Variants in PRKAR1B observed in about 807,000 individuals in gnomAD.
The protein encoded by PRKAR1B is cAMP-dependent protein kinase type I-beta regulatory subunit.
In PRKAR1B, 22 loss-of-function variants were observed where a neutral mutation model predicts 46.5. The observed-to-expected ratio is 0.47, with a 90% confidence interval of 0.34 to 0.68. The LOEUF is 0.68. Among genes scored for constraint, PRKAR1B ranks in the 30% least tolerant of loss-of-function variants. The pLI, the probability that PRKAR1B is intolerant of heterozygous loss-of-function variation, is 0.01. For synonymous variants in PRKAR1B, 259 were observed against 217.7 expected, an observed-to-expected ratio of 1.19 and a Z score of -1.67; for missense variants, 445 against 535.6, an observed-to-expected ratio of 0.83 and a Z score of 1.67.
intron 4 of PRKAR1B, among the ~76,000 whole-genome samples, chr7:631,787 T>A (rs10233134): frequency 0.066 from 9,456 of 143,580 alleles, 323 homozygotes; most frequent in Middle Eastern, 0.11. Flanking sequence ...CCCCCATCTC[T>A]AAAAAAAAAA....
Position 593,308 on chromosome 7 carries a change from C to T in PRKAR1B, c.708+2838G>A, listed in dbSNP as rs930182890. On this transcript the variant is annotated intron_variant, in intron 7 of 10. Transcript: ENST00000537384. This position sits in a 1 kb window ranked among gnomAD's most constrained non-coding sequence, Gnocchi z 6.1. ...CTCCCGCGTCCCCCAGGTCCCAGCACGTCCCAGCTCGGGACTAAGGCAGAA... is the reference window on the plus strand; with the variant it reads ...CTCCCGCGTCCCCCAGGTCCCAGCATGTCCCAGCTCGGGACTAAGGCAGAA... Among the ~76,000 whole-genome samples, 5 of 152,162 alleles carry T rather than the reference C, an allele frequency of 3.3e-5. No individual in the cohort carries two copies. The highest frequency in any genetic ancestry group is 7.2e-5 in the African/African-American group (3 of 41,442).
chr7:624,269 C>G (rs1783262142), intron 4 of PRKAR1B, among the ~76,000 whole-genome samples: 1 of 152,182 alleles, frequency 6.6e-6, no homozygotes, highest in Non-Finnish European at 1.5e-5. Flanking sequence ...CCCATCTCTA[C>G]TAAAAATACA....
In PRKAR1B at chr7:695,786, C is replaced by T. The variant is rs931283833; in HGVS notation, c.178-15060G>A. ...TCATGCCATTCTCCTGCCTCAGCTT[C>T]CCGAGTAGCTGGGACTACAGGTGCC... On this transcript the variant is annotated intron_variant, in intron 2 of 10. Transcript: ENST00000537384. Among the ~76,000 whole-genome samples the T allele has an allele frequency of 1.8e-4, 28 of 151,878 alleles. 1 individual carries two copies. The highest frequency in any genetic ancestry group is 6.3e-4 in the African/African-American group (26 of 41,412).
intron 1 of PRKAR1B, chr7:726,836 A>T: frequency 7.5e-7 from 1 of 1,327,962 alleles, no homozygotes; most frequent in Non-Finnish European, 9.6e-7. Flanking sequence ...CCGGGGCTGG[A>T]GGCCGACAGC....
chr7:651,350 G>A (rs954040059), intron 4 of PRKAR1B, among the ~76,000 whole-genome samples: 3 of 152,194 alleles, frequency 2.0e-5, no homozygotes, highest in African/African-American at 4.8e-5. Context: ...AAATTCATAC[G>A]AGTTCCATGT....
In PRKAR1B at chr7:724,307, G is replaced by A. The variant is rs147344900; in HGVS notation, c.-23+2903C>T. Reference sequence around the variant, plus strand: ...AGCTCCCACAATTCCCACGTGTTGTGGGAAGGACCCAGTGGGAGGTAACTG... The same window carrying A: ...AGCTCCCACAATTCCCACGTGTTGTAGGAAGGACCCAGTGGGAGGTAACTG... On this transcript the variant is annotated intron_variant, in intron 1 of 10. Transcript: ENST00000537384. Among the ~76,000 whole-genome samples, 17 of 152,258 alleles carry A rather than the reference G, an allele frequency of 1.1e-4. No homozygotes were observed. The East Asian group carries it at 3.3e-3, about 29-fold the overall frequency.
intron 2 of PRKAR1B, among the ~76,000 whole-genome samples, chr7:687,399 C>A (rs1399230054): frequency 2.6e-5 from 4 of 151,924 alleles, no homozygotes; most frequent in South Asian, 2.1e-4. Flanking sequence ...CGTGGAAATG[C>A]TAGAATCAAA....
chr7:681,560 G>A (rs1778686989), intron 2 of PRKAR1B, among the ~76,000 whole-genome samples: 1 of 152,146 alleles, frequency 6.6e-6, no homozygotes, highest in Non-Finnish European at 1.5e-5. Context: ...GTTTATGGAG[G>A]CTGAGATGAC....
Position 558,860 on chromosome 7 carries a change from C to T in PRKAR1B, c.892-7390G>A, listed in dbSNP as rs543548022. On this transcript the variant is annotated intron_variant, in intron 9 of 10. Coordinates refer to ENST00000537384, the MANE Select transcript of PRKAR1B (RefSeq NM_001164760.2). ...CTTGTCACAGCCTCCCTTGCCCGGCCGTGAGCCTCCAACGCTTCGGCTCAG... is the reference window on the plus strand; with the variant it reads ...CTTGTCACAGCCTCCCTTGCCCGGCTGTGAGCCTCCAACGCTTCGGCTCAG... Among the ~76,000 whole-genome samples the T allele has an allele frequency of 1.6e-4, 24 of 152,342 alleles. No homozygotes were observed. The East Asian group carries it at 2.7e-3, about 17-fold the overall frequency.
chr7:583,022 C>T (rs1347995931), intron 8 of PRKAR1B, among the ~76,000 whole-genome samples: 2 of 152,150 alleles, frequency 1.3e-5, no homozygotes, highest in African/African-American at 4.8e-5. Flanking sequence ...GGCAAATAAT[C>T]CACAGAGACC....
chr7:627,888 G>A (rs1159915440), intron 4 of PRKAR1B, among the ~76,000 whole-genome samples: 1 of 152,194 alleles, frequency 6.6e-6, no homozygotes, highest in Admixed American at 6.5e-5. Flanking sequence ...TGTGCTGGGC[G>A]CCAGGTTGCC....
intron 4 of PRKAR1B, among the ~76,000 whole-genome samples, chr7:635,222 C>A (rs1269195732): frequency 6.6e-6 from 1 of 152,268 alleles, no homozygotes; most frequent in South Asian, 2.1e-4. Flanking sequence ...GACCCACATT[C>A]CACAGGCTGG....
intron 2 of PRKAR1B, among the ~76,000 whole-genome samples, chr7:690,404 T>C (rs1779347621): frequency 6.6e-6 from 1 of 151,730 alleles, no homozygotes. Flanking sequence ...GACCTCAGCA[T>C]CACGCCGCAT....
intron 9 of PRKAR1B, among the ~76,000 whole-genome samples, chr7:552,452 G>A (rs1174670244): frequency 8.6e-5 from 2 of 23,340 alleles, no homozygotes; most frequent in Admixed American, 8.8e-4. Flanking sequence ...GGTCCTTCCC[G>A]CAGAGCCACT....
chr7:585,054 G>A (rs575382710), intron 7 of PRKAR1B, among the ~76,000 whole-genome samples: 3 of 152,258 alleles, frequency 2.0e-5, no homozygotes, highest in Admixed American at 6.5e-5. Context: ...ATTAAAAGCC[G>A]ATACTTGACT....
At chr7:550,712 G>T in intron 10 of PRKAR1B, 110 bp from the exon 11 acceptor site, 1 of 874,222 alleles carries the variant, frequency 1.1e-6, no homozygotes, top group Non-Finnish European at 1.7e-6. Context: ...GATAGGATGT[G>T]CCAGGCACAC....
At chr7:687,994 G>A (rs1184491366) in intron 2 of PRKAR1B, among the ~76,000 whole-genome samples, 1 of 150,850 alleles carries the variant, frequency 6.6e-6, no homozygotes, top group African/African-American at 2.4e-5. Flanking sequence ...TCCTCGGGAG[G>A]CTCAGGCAGG....
intron 2 of PRKAR1B, chr7:691,512 G>A (rs1020078852): frequency 3.8e-6 from 5 of 1,304,368 alleles, no homozygotes; most frequent in Non-Finnish European, 5.1e-6. Context: ...TCCAGGGAGA[G>A]CAAATGAAGA....
At position 559,119 on chromosome 7, in the gene PRKAR1B, G is replaced by A. The variant is rs533441483; in HGVS notation, c.892-7649C>T. Among the ~76,000 whole-genome samples the A allele has an allele frequency of 3.2e-4, 49 of 152,366 alleles. No homozygotes were observed. In the South Asian group the frequency reaches 8.3e-3, roughly 26 times the overall value. On this transcript the variant is annotated intron_variant, in intron 9 of 10. Transcript: ENST00000537384. ...TCTACTGCATTAGGGCTAGGACTAC[G>A]GCCGTGAACGAGGAGGCCACATCCC...
Sources: allele counts gnomAD v4.1 joint callset (sites outside exome capture counted in the v4.1 genomes callset), GRCh38; gene constraint gnomAD v4.1.1; non-coding constraint Gnocchi (gnomAD v3.1); transcripts MANE v1.5; gene names NCBI Gene and HGNC (gene_info 2026-07-23, HGNC 2026-07-21).